Variants in ZNF644 observed in about 807,000 individuals in gnomAD.
ZNF644 encodes zinc finger motif enhancer binding protein 2.
ZNF644 carries 20 observed loss-of-function variants against 108.0 expected under a neutral mutation model. The ratio of observed to expected loss-of-function variants is 0.19; its 90% confidence interval spans 0.13 to 0.27. The LOEUF (loss-of-function observed/expected upper bound fraction) is 0.27. Ranked by LOEUF, ZNF644 falls within the 10% of genes least tolerant of loss-of-function variation. The probability of loss-of-function intolerance (pLI) is 1.00; values close to 1 mark genes in which losing one functional copy is unlikely to be tolerated. For missense variants in ZNF644, 1,338 were observed against 1,548.9 expected (o/e 0.86, Z 2.29); for synonymous variants, 542 against 539.1 (o/e 1.01, Z -0.08).
chr1:90,959,263 A>C (rs192923841), intron 2 of ZNF644, among the ~76,000 whole-genome samples: 1 of 152,286 alleles, frequency 6.6e-6, no homozygotes, highest in African/African-American at 2.4e-5. Context: ...CAAAACTAAC[A>C]ATTACTGACA....
chr1:91,006,470 T>C lies in ZNF644; in HGVS notation c.-18+15520A>G, dbSNP rs151148725. Among the ~76,000 whole-genome samples, 224 of 152,286 alleles carry C rather than the reference T, an allele frequency of 1.5e-3. 2 individuals are homozygous for C. Among genetic ancestry groups the C allele is most frequent in the African/African-American group, 5.1e-3 (214 of 41,558 alleles). ...CCCTGGAATCTGGGGAACATTTCAA[T>C]AATTAACACTATTCCTTCTCAAACT... On this transcript the variant is annotated intron_variant, in intron 1 of 5. Coordinates refer to ENST00000337393, the MANE Select transcript of ZNF644 (RefSeq NM_201269.3).
In ZNF644 at chr1:90,938,502, G is replaced by T; in HGVS notation, c.2852C>A (p.Ser951Tyr). The T allele has an allele frequency of 6.2e-7, 1 of 1,613,934 alleles. No homozygotes were observed. Among genetic ancestry groups the T allele is most frequent in the Non-Finnish European group, 8.5e-7 (1 of 1,179,908 alleles). The change falls in exon 3 of 6, where the codon TCT becomes TAT. Residue 951 changes from serine (S) to tyrosine (Y), a missense_variant. Ser to Tyr is a moderately radical substitution (Grantham distance 144). This residue lies in a region of ZNF644 where 462 missense variants were observed against 472.6 expected (regional missense o/e 0.98). Coordinates refer to ENST00000337393, the MANE Select transcript of ZNF644 (RefSeq NM_201269.3). The surrounding 1 kb of genome is among the most constrained non-coding windows in gnomAD (Gnocchi z 4.2). The part of the protein sequence containing the change: ...TADASLSKHS[S>Y]VFHWTDLSLE... ...AGACAAATCAGTCCAATGAAAAACA[G>T]AACTATGCTTTGACAATGAAGCATC...
chr1:90,977,767 T>C (rs1487168170), intron 2 of ZNF644, among the ~76,000 whole-genome samples: 1 of 152,090 alleles, frequency 6.6e-6, no homozygotes, highest in East Asian at 1.9e-4. Context: ...GTTAATACCA[T>C]CAAAAATATT....
intron 2 of ZNF644, among the ~76,000 whole-genome samples, chr1:90,956,556 A>C (rs1653772192): frequency 6.6e-6 from 1 of 152,192 alleles, no homozygotes; most frequent in Non-Finnish European, 1.5e-5. Context: ...ATGTAGAGGA[A>C]AATTTACAGC....
chr1:91,015,068 T>C (rs576803084), intron 1 of ZNF644, among the ~76,000 whole-genome samples: 434 of 152,310 alleles, frequency 2.8e-3, no homozygotes, highest in Non-Finnish European at 4.2e-3. Context: ...TATGGGTGAC[T>C]TCCCCTCCCT....
Position 90,939,762 on chromosome 1 carries a change from T to C in ZNF644, c.1592A>G (p.Asn531Ser). 1.2e-6 allele frequency: 2 copies of C among 1,613,956 alleles called. No homozygotes were observed. ...TTCATTTTCTGTCACTGCCATGAAG[T>C]TACACTCTTCACAGCAGTAGTACCT... The part of the protein sequence containing the change: ...DKRYYCCEEC[N>S]FMAVTENELE... The change falls in exon 3 of 6, where the codon AAC becomes AGC. Residue 531 changes from asparagine (N) to serine (S), a missense_variant. This residue lies in a region of ZNF644 where 80 missense variants were observed against 183.0 expected (regional missense o/e 0.44). Coordinates refer to ENST00000337393, the MANE Select transcript of ZNF644 (RefSeq NM_201269.3).
At chr1:90,998,038 A>G (rs1658342706) in intron 1 of ZNF644, among the ~76,000 whole-genome samples, 1 of 152,180 alleles carries the variant, frequency 6.6e-6, no homozygotes, top group Admixed American at 6.5e-5. Flanking sequence ...TAGGTAAACA[A>G]AGCGGCCAGG....
chr1:91,017,737 G>T (rs1660552961), intron 1 of ZNF644, among the ~76,000 whole-genome samples: 1 of 152,200 alleles, frequency 6.6e-6, no homozygotes, highest in Non-Finnish European at 1.5e-5. Flanking sequence ...CAAGGCGGGT[G>T]AATCACCTGA....
chr1:91,021,376 A>G (rs1660894633), intron 1 of ZNF644: 1 of 152,280 alleles, frequency 6.6e-6, no homozygotes, highest in South Asian at 2.1e-4. Context: ...GGGTGTAGAC[A>G]GTTAATGCCA....
chr1:91,003,918 C>T (rs1659146111), intron 1 of ZNF644, among the ~76,000 whole-genome samples: 1 of 151,808 alleles, frequency 6.6e-6, no homozygotes, highest in Admixed American at 6.6e-5. Flanking sequence ...GAGAAAAAAA[C>T]AAATTGTAGA....
chr1:91,004,016 G>C (rs1659158107), intron 1 of ZNF644, among the ~76,000 whole-genome samples: 2 of 151,986 alleles, frequency 1.3e-5, no homozygotes, highest in African/African-American at 4.8e-5. Context: ...CCAGTCTGAG[G>C]AACAGAAAGA....
chr1:90,942,718 TATAATA>T (rs370615616), intron 2 of ZNF644, among the ~76,000 whole-genome samples: 1 of 152,306 alleles, frequency 6.6e-6, no homozygotes, highest in Non-Finnish European at 1.5e-5. Flanking sequence ...ACTCAGTAAT[TATAATA>T]AGGTCCTCAA....
chr1:90,980,388 T>C (rs1323267098), intron 2 of ZNF644, among the ~76,000 whole-genome samples: 1 of 152,214 alleles, frequency 6.6e-6, no homozygotes, highest in Non-Finnish European at 1.5e-5. Context: ...ACTTAGTTTA[T>C]TCATATAATC....
intron 2 of ZNF644, among the ~76,000 whole-genome samples, chr1:90,972,168 A>C (rs1655559717): frequency 6.6e-6 from 1 of 152,180 alleles, no homozygotes; most frequent in Admixed American, 6.6e-5. Context: ...AAATGTAAAA[A>C]TTTTTGTGCA....
chr1:90,992,357 T>C (rs148135558), intron 1 of ZNF644, among the ~76,000 whole-genome samples: 15 of 149,744 alleles, frequency 1.0e-4, no homozygotes, highest in African/African-American at 2.7e-4. Context: ...ATCTCGAAGT[T>C]AGAATAATAA....
At chr1:90,975,782 A>C (rs761770360) in intron 2 of ZNF644, among the ~76,000 whole-genome samples, 52 of 152,194 alleles carry the variant, frequency 3.4e-4, no homozygotes, top group Non-Finnish European at 7.1e-4. Context: ...AAAGAATAGT[A>C]AATCAGAGGT....
At chr1:90,970,978 A>G (rs1437183499) in intron 2 of ZNF644, among the ~76,000 whole-genome samples, 1 of 145,928 alleles carries the variant, frequency 6.9e-6, no homozygotes, top group Admixed American at 6.9e-5. Flanking sequence ...CCAGCCTAGC[A>G]ATGGAGCGAG....
chr1:90,975,268 T>C (rs952738721), intron 2 of ZNF644, among the ~76,000 whole-genome samples: 7 of 152,220 alleles, frequency 4.6e-5, no homozygotes, highest in African/African-American at 1.7e-4. Flanking sequence ...TATAATTACA[T>C]ATTTAGTTAT....
intron 2 of ZNF644, chr1:90,972,762 A>G (rs975087614): frequency 5.3e-5 from 8 of 152,238 alleles, no homozygotes; most frequent in African/African-American, 1.9e-4. Flanking sequence ...CATACATACA[A>G]TACAGTATTA....
Sources: allele counts gnomAD v4.1 joint callset (sites outside exome capture counted in the v4.1 genomes callset), GRCh38; gene constraint gnomAD v4.1.1; regional missense constraint gnomAD v4.1.1; non-coding constraint Gnocchi (gnomAD v3.1); transcripts MANE v1.5; gene names NCBI Gene and HGNC (gene_info 2026-07-23, HGNC 2026-07-21).